IMMP2L: variants seen among roughly 807,000 people sequenced by gnomAD.
IMMP2L encodes mitochondrial inner membrane protease subunit 2.
In IMMP2L, 18 loss-of-function variants were observed where a neutral mutation model predicts 19.3. That is an observed-to-expected ratio of 0.93 (90% CI 0.64 to 1.38). The LOEUF is 1.38. Among genes scored for constraint, IMMP2L ranks in the 40% most tolerant of loss-of-function variants. The pLI is 0.00. For synonymous variants in IMMP2L, 76 were observed against 73.0 expected, an observed-to-expected ratio of 1.04 and a Z score of -0.21; for missense variants, 233 against 218.2, an observed-to-expected ratio of 1.07 and a Z score of -0.43.
chr7:111,383,372 G>A (rs762827971), intron 3 of IMMP2L, among the ~76,000 whole-genome samples: 3 of 152,082 alleles, frequency 2.0e-5, no homozygotes, highest in Non-Finnish European at 4.4e-5. Context: ...GGTCCTCCAG[G>A]CTGAGTGGTC....
chr7:111,465,628 C>T (rs1585214995), intron 3 of IMMP2L, among the ~76,000 whole-genome samples: 1 of 151,640 alleles, frequency 6.6e-6, no homozygotes, highest in African/African-American at 2.4e-5. Flanking sequence ...CAATGAGATA[C>T]CATCTCACAC....
Position 111,270,978 on chromosome 7 carries a change from T to C in IMMP2L, c.239+216260A>G, listed in dbSNP as rs868499273. Among the ~76,000 whole-genome samples the C allele has an allele frequency of 2.6e-5, 4 of 152,276 alleles. No homozygotes were observed. In the South Asian group the frequency reaches 6.2e-4, roughly 24 times the overall value. ...ATTATATACTCCATTAACATACTGA[T>C]ATGGTTTGGCTGTGTCCCCACCCAA... On this transcript the variant is annotated intron_variant, in intron 3 of 5. Transcript: ENST00000405709.
chr7:111,303,127 C>G (rs952285399), intron 3 of IMMP2L, among the ~76,000 whole-genome samples: 18 of 152,106 alleles, frequency 1.2e-4, no homozygotes, highest in African/African-American at 4.1e-4. Flanking sequence ...AAATGCATTT[C>G]TAAGTATACA....
At chr7:110,769,443 A>G (rs1286830437) in intron 5 of IMMP2L, among the ~76,000 whole-genome samples, 2 of 152,176 alleles carry the variant, frequency 1.3e-5, no homozygotes, top group African/African-American at 4.8e-5. Context: ...TCCAGTTAAT[A>G]AATTATCTAG....
intron 2 of IMMP2L, among the ~76,000 whole-genome samples, chr7:111,504,122 G>C (rs1393229870): frequency 1.3e-5 from 2 of 152,144 alleles, no homozygotes; most frequent in Non-Finnish European, 2.9e-5. Flanking sequence ...CTTCAGCAAA[G>C]TCTCAGGATA....
chr7:111,117,818 T>A (rs534647898), intron 3 of IMMP2L, among the ~76,000 whole-genome samples: 1 of 152,174 alleles, frequency 6.6e-6, no homozygotes, highest in Non-Finnish European at 1.5e-5. Context: ...CCCATGGCAA[T>A]TTTTTTCTTC....
chr7:111,424,456 C>G lies in IMMP2L; in HGVS notation c.239+62782G>C, dbSNP rs149010874. ...ATTAACAGACTGCGAGGGCCAGTGT[C>G]CCAGACTAAGCCATGCTAATTTTTA... On this transcript the variant is annotated intron_variant, in intron 3 of 5. Transcript: ENST00000405709. 2.1e-3 allele frequency among the ~76,000 whole-genome samples: 324 copies of G among 151,902 alleles called. 9 individuals carry two copies. The highest frequency in any genetic ancestry group is 7.4e-3 in the African/African-American group (306 of 41,262).
chr7:110,667,028 C>T (rs899328551), intron 5 of IMMP2L, among the ~76,000 whole-genome samples: 39 of 152,258 alleles, frequency 2.6e-4, no homozygotes, highest in African/African-American at 7.5e-4. Context: ...CCAGCCACCA[C>T]GCCCAGCTAA....
chr7:111,295,838 G>A (rs927591074), intron 3 of IMMP2L, among the ~76,000 whole-genome samples: 8 of 151,462 alleles, frequency 5.3e-5, no homozygotes, highest in African/African-American at 1.5e-4. Context: ...TTGGAGGTTC[G>A]ATAATAAAAA....
intron 5 of IMMP2L, among the ~76,000 whole-genome samples, chr7:110,679,854 T>C (rs928972762): frequency 7.2e-5 from 11 of 152,222 alleles, no homozygotes; most frequent in African/African-American, 2.7e-4. Context: ...ATAGTTGCTG[T>C]GACTAGCACC....
chr7:110,765,359 A>C (rs1798594349), intron 5 of IMMP2L, among the ~76,000 whole-genome samples: 1 of 152,296 alleles, frequency 6.6e-6, no homozygotes, highest in African/African-American at 2.4e-5. Flanking sequence ...AGAGAAGACA[A>C]GATTACTAAT....
chr7:110,963,703 A>T, intron 3 of IMMP2L, 138 bp from the exon 4 acceptor site: 2 of 435,018 alleles, frequency 4.6e-6, no homozygotes, highest in Non-Finnish European at 8.1e-6. Flanking sequence ...CATCAGTCTC[A>T]CTTCGGTTCC....
rs145847309 is a variant in IMMP2L at position 110,694,051 on chromosome 7, A to C, written c.409-30330T>G. On this transcript the variant is annotated intron_variant, in intron 5 of 5. Transcript: ENST00000405709. ...CCAAATACAAGAGATTGCAGATACT[A>C]CCATTTCTGATGACTTGGAAGAATG... Among the ~76,000 whole-genome samples the C allele has an allele frequency of 1.4e-3, 208 of 152,296 alleles. 1 individual carries two copies. Among genetic ancestry groups the C allele is most frequent in the African/African-American group, 4.9e-3 (202 of 41,556 alleles).
chr7:111,395,974 A>G (rs1427627275), intron 3 of IMMP2L, among the ~76,000 whole-genome samples: 1 of 152,182 alleles, frequency 6.6e-6, no homozygotes, highest in Non-Finnish European at 1.5e-5. Context: ...TTAAAAAGTC[A>G]GGAAACAACA....
At position 110,843,607 on chromosome 7, in the gene IMMP2L, T is replaced by C. The variant is rs141865015; in HGVS notation, c.408+42986A>G. Among the ~76,000 whole-genome samples the C allele has an allele frequency of 7.9e-5, 12 of 152,224 alleles. No individual in the cohort carries two copies. The East Asian group carries it at 2.3e-3, about 29-fold the overall frequency. On this transcript the variant is annotated intron_variant, in intron 5 of 5. Transcript: ENST00000405709. The stretch of plus-strand genomic sequence containing the variant: ...AAAATATACAAGGTCCCTGCTATAA[T>C]GCAGAATAAAACTCGGTGAACAGGA...
intron 5 of IMMP2L, among the ~76,000 whole-genome samples, chr7:110,832,337 G>A (rs1014998711): frequency 6.6e-6 from 1 of 152,084 alleles, no homozygotes; most frequent in South Asian, 2.1e-4. Context: ...CTGTACTGTC[G>A]TTATCCTGGT....
At chr7:110,836,225 C>G (rs1177856445) in intron 5 of IMMP2L, among the ~76,000 whole-genome samples, 1 of 152,126 alleles carries the variant, frequency 6.6e-6, no homozygotes, top group African/African-American at 2.4e-5. Context: ...CACTCAATTC[C>G]TACATTCCAG....
chr7:111,000,836 T>A (rs1178880287), intron 3 of IMMP2L, among the ~76,000 whole-genome samples: 1 of 115,086 alleles, frequency 8.7e-6, no homozygotes, highest in Non-Finnish European at 1.8e-5. Context: ...AGAGCCAGAC[T>A]CCTCTGTCTT....
At chr7:111,435,117 T>C (rs1242173985) in intron 3 of IMMP2L, among the ~76,000 whole-genome samples, 4 of 151,914 alleles carry the variant, frequency 2.6e-5, no homozygotes, top group Non-Finnish European at 5.9e-5. Flanking sequence ...TATAGAAAAC[T>C]GTATGGAGAT....
Sources: gnomAD v4.1 joint callset for allele counts (sites outside exome capture counted in the v4.1 genomes callset) on GRCh38, gnomAD v4.1.1 for gene constraint, MANE v1.5 for transcripts, NCBI Gene and HGNC (gene_info 2026-07-23, HGNC 2026-07-21) for gene names.